Variants in ZNF7 observed in about 807,000 individuals in gnomAD.
ZNF7 encodes the protein C2-H2 type zinc finger protein.
ZNF7 carries 10 observed loss-of-function variants against 12.0 expected under a neutral mutation model. The ratio of observed to expected loss-of-function variants is 0.83; its 90% confidence interval spans 0.51 to 1.42. ZNF7 has a LOEUF of 1.42. ZNF7 is among the 40% of genes most tolerant of loss of function. ZNF7 has a pLI of 0.00. For synonymous variants in ZNF7, 334 were observed against 295.0 expected (o/e 1.13, Z -1.35); for missense variants, 854 against 837.2 (o/e 1.02, Z -0.25).
chr8:144,844,570 C>T (rs2722485), downstream of ZNF7, among the ~76,000 whole-genome samples: 6,560 of 151,868 alleles, frequency 0.043, 387 homozygotes, highest in East Asian at 0.25. Flanking sequence ...ATTAGCCGGG[C>T]GTGGTGGCGG....
downstream of ZNF7, among the ~76,000 whole-genome samples, chr8:144,845,649 AC>A (rs1830471382): frequency 6.6e-6 from 1 of 152,094 alleles, no homozygotes; most frequent in South Asian, 2.1e-4. Flanking sequence ...CAACTGTAAG[AC>A]CTCAACCCTG....
rs138582829 is a variant in ZNF7, at chr8:144,837,487, C to T, written c.227C>T (p.Ala76Val). 0.019 allele frequency: 29,924 copies of T among 1,609,936 alleles called. 339 individuals carry two copies. The highest frequency in any genetic ancestry group is 0.023 in the Non-Finnish European group (26,751 of 1,176,740). The change falls in exon 4 of 5, where the codon GCA (alanine) becomes GTA (valine). Residue 76 changes from alanine to valine, a missense_variant. Physicochemically the swap from Ala to Val is moderately conservative, Grantham distance 64. Transcript: ENST00000532777. ...CTGCAGGGAGCAGAGGGGACAGAGG[C>T]ACCAAGGACCTCCAAGACAGGTGAG... ...LDLQGAEGTE[A>V]PRTSKTDSTI...
rs779557831 is a variant in ZNF7 at position 144,842,324 on chromosome 8, T to G, written c.1217T>G (p.Ile406Ser). ...DSPSLVAHQR[I>S]HAVEKPFKCD... ...CCAAGCCTTGTTGCACATCAGAGAA[T>G]TCACGCTGTAGAGAAACCATTTAAG... The change falls in exon 5 of 5, where the codon ATT (isoleucine) becomes AGT (serine). Residue 406 changes from isoleucine (I) to serine (S), a missense_variant. By Grantham distance (142) the Ile-to-Ser change is moderately radical. Coordinates refer to ENST00000532777, the MANE Select transcript of ZNF7 (RefSeq NM_003416.4). The G allele has an allele frequency of 8.1e-6, 13 of 1,613,920 alleles. 1 individual carries two copies. In the South Asian group the frequency reaches 1.3e-4, roughly 16 times the overall value.
intron 4 of ZNF7, 50 bp downstream of exon 4, chr8:144,837,557 C>CAGG (rs1398326977): frequency 7.1e-7 from 1 of 1,406,096 alleles, no homozygotes. Flanking sequence ...GGAGAAACTG[C>CAGG]AGGAGGGGCC....
Position 144,842,436 on chromosome 8 carries a change from C to T in ZNF7, c.1329C>T (p.Cys443=), listed in dbSNP as rs1830061244. ...LIHTGEKPYK[C]NKCTKAFGCS... is the part of the protein sequence containing the mutation. ...ACACTGGAGAGAAGCCTTATAAATG[C>T]AACAAGTGTACAAAAGCCTTTGGTT... The change falls in exon 5 of 5, where the codon TGC becomes TGT. Residue 443 remains cysteine, a synonymous_variant. Transcript: ENST00000532777. 2 of 1,613,866 alleles carry T rather than the reference C, an allele frequency of 1.2e-6. No homozygotes were observed. The highest frequency in any genetic ancestry group is 2.2e-5 in the South Asian group (2 of 91,078).
chr8:144,838,466 A>G (rs1586817951), intron 4 of ZNF7: 1 of 327,536 alleles, frequency 3.1e-6, no homozygotes, highest in East Asian at 6.0e-5. Flanking sequence ...TGTGCTGCCC[A>G]GCATGACAAG....
At chr8:144,839,663 G>A (rs1000078481) in intron 4 of ZNF7, among the ~76,000 whole-genome samples, 5 of 152,226 alleles carry the variant, frequency 3.3e-5, no homozygotes, top group African/African-American at 9.7e-5. Flanking sequence ...CTGAGAGTCC[G>A]GGGCAGGGAT....
intron 4 of ZNF7, 177 bp from the exon 5 acceptor site, chr8:144,841,178 G>A: frequency 3.0e-6 from 2 of 674,480 alleles, no homozygotes; most frequent in Non-Finnish European, 5.1e-6. Flanking sequence ...TAAAAAGTAT[G>A]AAACCACTTT....
At chr8:144,829,369 AGCGTCTC>A in intron 2 of ZNF7, 102 bp from the exon 3 acceptor site, 3 of 1,566,156 alleles carry the variant, frequency 1.9e-6, no homozygotes, top group Non-Finnish European at 2.6e-6. Flanking sequence ...AGTCCTGGTG[AGCGTCTC>A]GCCCAACCCC....
rs947666675 is a variant in ZNF7, at chr8:144,828,924, C to T, written c.-45-119C>T. ...TGGCTGCTTCAGCCCAGCCCCATGT[C>T]CCTGCTAGAGAAATCTGGGGCTGGA... On this transcript the variant is annotated intron_variant, in intron 1 of 4. Coordinates refer to ENST00000532777, the MANE Select transcript of ZNF7 (RefSeq NM_003416.4). 1.9e-5 allele frequency: 25 copies of T among 1,335,248 alleles called. No individual in the cohort carries two copies. The African/African-American group carries it at 3.5e-4, about 19-fold the overall frequency. 82.7% of individuals were successfully genotyped at this position (1,335,248 alleles called of 1,614,324 possible).
At chr8:144,839,880 C>T (rs1462728899) in intron 4 of ZNF7, among the ~76,000 whole-genome samples, 1 of 152,242 alleles carries the variant, frequency 6.6e-6, no homozygotes, top group Non-Finnish European at 1.5e-5. Context: ...TGGGTGGTTC[C>T]TGGCATCCCC....
chr8:144,834,669 A>C (rs1828792759), intron 3 of ZNF7: 1 of 151,834 alleles, frequency 6.6e-6, no homozygotes, highest in East Asian at 1.9e-4. Flanking sequence ...TTTGGATTCA[A>C]CTAGCCAATA....
At position 144,842,889 on chromosome 8, in the gene ZNF7, A is replaced by G. The variant is rs1830133918; in HGVS notation, c.1782A>G (p.Ser594=). 3.1e-6 allele frequency: 5 copies of G among 1,613,786 alleles called. No individual in the cohort carries two copies. The South Asian group carries it at 3.3e-5, about 11-fold the overall frequency. The stretch of plus-strand genomic sequence containing the variant: ...GTGGAAAAGCCTTCAGCCGGAGCTC[A>G]TATCTTATTGAACACCAGAGAATAC... ...SECGKAFSRS[S]YLIEHQRIHT... is the part of the protein sequence containing the mutation. The change falls in exon 5 of 5, where the codon TCA becomes TCG. Residue 594 remains serine (S), a synonymous_variant. Transcript: ENST00000532777.
rs374556496 is a variant in ZNF7, at chr8:144,832,972, C to T, written c.130+3368C>T. On this transcript the variant is annotated intron_variant, in intron 3 of 4. Coordinates refer to ENST00000532777, the MANE Select transcript of ZNF7 (RefSeq NM_003416.4). ...GCACTTTGAAGTAGGCCGAGGTGGG[C>T]GGATCACCTGAGGTCAGGAGTTCGA... Among the ~76,000 whole-genome samples, 50 of 152,100 alleles carry T rather than the reference C, an allele frequency of 3.3e-4. No homozygotes were observed. The East Asian group carries it at 8.6e-3, about 26-fold the overall frequency.
downstream of ZNF7, chr8:144,846,250 G>T: frequency 6.9e-7 from 1 of 1,442,526 alleles, no homozygotes; most frequent in Non-Finnish European, 9.3e-7. Flanking sequence ...AAAGGGGCTG[G>T]GGTGCAAGCT....
rs1563823756 is a variant in ZNF7 at position 144,829,491 on chromosome 8, TTGGCGATG to T, written c.22_29del (p.Asp8CysfsTer42). 2 of 1,614,082 alleles carry T rather than the reference TTGGCGATG, an allele frequency of 1.2e-6. No individual in the cohort carries two copies. The highest frequency in any genetic ancestry group is 1.7e-6 in the Non-Finnish European group (2 of 1,180,004). ...GTGTCCTTTCAGGAGGTGGTAACAT[TTGGCGATG>T]TGGCTGTGCACTTCTCTCGGGAGGA... On this transcript the variant is annotated frameshift_variant, in exon 3 of 5. Transcript: ENST00000532777. LOFTEE classifies it high-confidence loss of function.
Position 144,837,456 on chromosome 8 carries a change from C to T in ZNF7, c.196C>T (p.Leu66Phe), listed in dbSNP as rs148833689. The T allele has an allele frequency of 4.5e-5, 73 of 1,613,110 alleles. No individual in the cohort carries two copies. The African/African-American group carries it at 8.3e-4, about 18-fold the overall frequency. Residue 66 changes from leucine (L) to phenylalanine (F), a missense_variant, in exon 4 of 5, where the codon CTC becomes TTC. Leu to Phe is a conservative substitution (Grantham distance 22, BLOSUM62 0). Coordinates refer to ENST00000532777, the MANE Select transcript of ZNF7 (RefSeq NM_003416.4). ...RLEQGEEPWV[L>F]DLQGAEGTEA... is the part of the protein sequence containing the mutation. Reference sequence around the variant, plus strand: ...GGAGCAGGGAGAAGAGCCATGGGTCCTCGACCTGCAGGGAGCAGAGGGGAC... The same window carrying T: ...GGAGCAGGGAGAAGAGCCATGGGTCTTCGACCTGCAGGGAGCAGAGGGGAC...
At position 144,841,639 on chromosome 8, in the gene ZNF7, G is replaced by A. The variant is rs148543892; in HGVS notation, c.532G>A (p.Gly178Ser). The stretch of plus-strand genomic sequence containing the variant: ...GGGATGTAAGGAGCTGGGAAGCAGC[G>A]GCCTGGATTGTCAGCCTCTTGAAAG... ...PQGCKELGSS[G>S]LDCQPLESQG... The change falls in exon 5 of 5, where the codon GGC (glycine) becomes AGC (serine). Residue 178 changes from glycine (G) to serine (S), a missense_variant. Transcript: ENST00000532777. 3.2e-4 allele frequency: 515 copies of A among 1,614,196 alleles called. No homozygotes were observed. Among genetic ancestry groups the A allele is most frequent in the African/African-American group, 7.5e-4 (56 of 75,052 alleles).
At position 144,842,296 on chromosome 8, in the gene ZNF7, A is replaced by G. The variant is rs1194769387; in HGVS notation, c.1189A>G (p.Ser397Gly). ...EKAQILKASD[S>G]PSLVAHQRIH... ...AGCTCAAATTCTAAAAGCCTCAGAC[A>G]GTCCAAGCCTTGTTGCACATCAGAG... The change falls in exon 5 of 5, where the codon AGT (serine) becomes GGT (glycine). Residue 397 changes from serine to glycine, a missense_variant. Coordinates refer to ENST00000532777, the MANE Select transcript of ZNF7 (RefSeq NM_003416.4). 2.5e-6 allele frequency: 4 copies of G among 1,614,072 alleles called. No individual in the cohort carries two copies. Among genetic ancestry groups the G allele is most frequent in the Admixed American group, 3.3e-5 (2 of 60,014 alleles).
Sources: gnomAD v4.1 joint callset for allele counts (sites outside exome capture counted in the v4.1 genomes callset) on GRCh38, gnomAD v4.1.1 for gene constraint, MANE v1.5 for transcripts, NCBI Gene and HGNC (gene_info 2026-07-23, HGNC 2026-07-21) for gene names.